ASXL2: variants seen among roughly 807,000 people sequenced by gnomAD.
ASXL2 encodes putative Polycomb group protein ASXL2.
ASXL2 carries 23 observed loss-of-function variants against 122.0 expected under a neutral mutation model. That is an observed-to-expected ratio of 0.19 (90% CI 0.14 to 0.27). ASXL2 has a LOEUF of 0.27. Among genes scored for constraint, ASXL2 ranks in the 10% least tolerant of loss-of-function variants. The pLI is 1.00. For synonymous variants in ASXL2, 650 were observed against 637.0 expected, an observed-to-expected ratio of 1.02 and a Z score of -0.31; for missense variants, 1,518 against 1,713.8, an observed-to-expected ratio of 0.89 and a Z score of 2.02.
At chr2:25,799,939 G>T (rs1213706439) in intron 4 of ASXL2, among the ~76,000 whole-genome samples, 13 of 146,526 alleles carry the variant, frequency 8.9e-5, no homozygotes, top group African/African-American at 3.3e-4. Context: ...GAGACCAGGA[G>T]TTCAAGACCA....
At chr2:25,841,437 G>A (rs1426776964) in intron 2 of ASXL2, among the ~76,000 whole-genome samples, 1 of 152,152 alleles carries the variant, frequency 6.6e-6, no homozygotes, top group Non-Finnish European at 1.5e-5. Context: ...CATATGCTGA[G>A]GAGTGGGGAA....
intron 5 of ASXL2, among the ~76,000 whole-genome samples, chr2:25,776,480 G>GTT (rs2088548195): frequency 1.3e-5 from 2 of 152,186 alleles, no homozygotes; most frequent in African/African-American, 4.8e-5. Context: ...GTGTGCAGAT[G>GTT]TTTTATGTAT....
At chr2:25,869,637 T>C (rs1326507749) in intron 1 of ASXL2, among the ~76,000 whole-genome samples, 2 of 151,820 alleles carry the variant, frequency 1.3e-5, no homozygotes, top group Non-Finnish European at 2.9e-5. Flanking sequence ...GCCTGACCAA[T>C]ATTCACCCAT....
intron 1 of ASXL2, among the ~76,000 whole-genome samples, chr2:25,871,008 G>GAAT (rs1360512548): frequency 1.3e-5 from 2 of 151,796 alleles, no homozygotes; most frequent in Non-Finnish European, 2.9e-5. Flanking sequence ...TATATAACTT[G>GAAT]AATAGGAAAT....
At chr2:25,835,240 C>G (rs1014752923) in intron 3 of ASXL2, among the ~76,000 whole-genome samples, 6 of 152,180 alleles carry the variant, frequency 3.9e-5, no homozygotes, top group Admixed American at 3.9e-4. Context: ...CATTATTACT[C>G]TGCAGAATAC....
intron 5 of ASXL2, among the ~76,000 whole-genome samples, chr2:25,772,036 G>C (rs1260434540): frequency 6.6e-6 from 1 of 152,132 alleles, no homozygotes; most frequent in African/African-American, 2.4e-5. Context: ...CAACGTGAGA[G>C]GGCATTTTAA....
intron 4 of ASXL2, among the ~76,000 whole-genome samples, chr2:25,803,617 G>C (rs2089032271): frequency 6.6e-6 from 1 of 152,206 alleles, no homozygotes; most frequent in Admixed American, 6.5e-5. Context: ...TGAAGGGTCA[G>C]GGAGTGGGAT....
At chr2:25,871,500 T>C (rs1191608634) in intron 1 of ASXL2, among the ~76,000 whole-genome samples, 5 of 151,740 alleles carry the variant, frequency 3.3e-5, no homozygotes, top group Non-Finnish European at 7.4e-5. Flanking sequence ...TCTGCTTTTT[T>C]CCCCTCCTTC....
Position 25,878,453 on chromosome 2 carries a change from G to A in ASXL2, c.-231C>T. ...CACTGCTACCGCCGCTGCCATATTGGGTTCTTACTGTACAGGCTGCCGCTA... is the reference window on the plus strand; with the variant it reads ...CACTGCTACCGCCGCTGCCATATTGAGTTCTTACTGTACAGGCTGCCGCTA... On this transcript the variant is annotated 5_prime_UTR_variant, in exon 1 of 13. Coordinates refer to ENST00000435504, the MANE Select transcript of ASXL2 (RefSeq NM_018263.6). The A allele has an allele frequency of 1.7e-6, 1 of 584,150 alleles. No homozygotes were observed. Among genetic ancestry groups the A allele is most frequent in the South Asian group, 2.0e-5 (1 of 49,792 alleles). The allele number at this position is 584,150 out of a possible 1,614,324, so 36.2% of individuals were successfully genotyped here.
chr2:25,791,999 T>C (rs182777229), intron 5 of ASXL2, among the ~76,000 whole-genome samples: 1 of 152,302 alleles, frequency 6.6e-6, no homozygotes, highest in African/African-American at 2.4e-5. Flanking sequence ...TTTGCTTGTT[T>C]ATTCATTCAT....
chr2:25,755,942 C>T lies in ASXL2; in HGVS notation c.1036+76G>A, dbSNP rs545163526. On this transcript the variant is annotated intron_variant, in intron 10 of 12. Coordinates refer to ENST00000435504, the MANE Select transcript of ASXL2 (RefSeq NM_018263.6). ...TCCTGTCCTTTACCTTCCAAAACTG[C>T]GTAATTACCTGATGAGGAAGAGAGG... 5.9e-5 allele frequency: 71 copies of T among 1,211,602 alleles called. 1 individual carries two copies. The highest frequency in any genetic ancestry group is 1.5e-4 in the Admixed American group (9 of 59,116). 75.1% of individuals were successfully genotyped at this position (1,211,602 alleles called of 1,614,324 possible).
intron 1 of ASXL2, among the ~76,000 whole-genome samples, chr2:25,877,415 G>A (rs2090018046): frequency 6.6e-6 from 1 of 151,810 alleles, no homozygotes; most frequent in African/African-American, 2.4e-5. Context: ...AACACAATTA[G>A]GGGGAAAATT....
intron 2 of ASXL2, among the ~76,000 whole-genome samples, chr2:25,838,919 T>C (rs183887794): frequency 6.6e-6 from 1 of 152,302 alleles, no homozygotes. Flanking sequence ...GGAAACAAAA[T>C]ACCTAACCAT....
chr2:25,822,402 A>G (rs2089323168), intron 3 of ASXL2: 1 of 243,882 alleles, frequency 4.1e-6, no homozygotes, highest in Non-Finnish European at 8.0e-6. Context: ...AGAGAAGTCG[A>G]CTCCCTAGCA....
chr2:25,789,630 C>T (rs1168237241), intron 5 of ASXL2, among the ~76,000 whole-genome samples: 2 of 151,970 alleles, frequency 1.3e-5, no homozygotes, highest in East Asian at 3.9e-4. Context: ...CATGAAATGC[C>T]CAAAATCAGA....
At chr2:25,818,893 A>G (rs2089273252) in intron 3 of ASXL2, among the ~76,000 whole-genome samples, 1 of 152,180 alleles carries the variant, frequency 6.6e-6, no homozygotes, top group African/African-American at 2.4e-5. Context: ...GCCTGTAATC[A>G]GCTTCTAATA....
At chr2:25,818,338 G>A (rs1419350676) in intron 3 of ASXL2, among the ~76,000 whole-genome samples, 2 of 152,070 alleles carry the variant, frequency 1.3e-5, no homozygotes, top group Admixed American at 6.6e-5. Flanking sequence ...GCGAAACCCC[G>A]TCTCTACTAA....
chr2:25,734,502 A>C lies in ASXL2; in HGVS notation c.*7527T>G, dbSNP rs186743567. On this transcript the variant is annotated 3_prime_UTR_variant, in exon 13 of 13. Coordinates refer to ENST00000435504, the MANE Select transcript of ASXL2 (RefSeq NM_018263.6). ...ACATTAGATTCTGTTTTTTAAAAGA[A>C]TGTAAAATTTTATGTATGATACTTT... The C allele has an allele frequency of 3.3e-5, 5 of 152,356 alleles. No homozygotes were observed. Among genetic ancestry groups the C allele is most frequent in the African/African-American group, 4.8e-5 (2 of 41,594 alleles). The allele number at this position is 152,356 out of a possible 1,614,324, so 9.4% of individuals were successfully genotyped here.
chr2:25,837,194 A>G (rs943092677), intron 2 of ASXL2, among the ~76,000 whole-genome samples: 4 of 151,304 alleles, frequency 2.6e-5, no homozygotes, highest in Non-Finnish European at 4.4e-5. Flanking sequence ...AATGGCAGCC[A>G]CAGCTGATGG....
Sources: allele counts gnomAD v4.1 joint callset (sites outside exome capture counted in the v4.1 genomes callset), GRCh38; gene constraint gnomAD v4.1.1; transcripts MANE v1.5; gene names NCBI Gene and HGNC (gene_info 2026-07-23, HGNC 2026-07-21).